The following EYS variants were observed in gnomAD, a reference collection of about 807,000 sequenced individuals.
EYS encodes EGF-like photoreceptor maintenance factor, also known as protein eyes shut homolog.
A neutral mutation model predicts 282.1 loss-of-function variants in EYS; 250 were observed. The ratio of observed to expected loss-of-function variants is 0.89; its 90% CI spans 0.80 to 0.98. The LOEUF is 0.98. Ranked by LOEUF, EYS falls within the 50% of genes least tolerant of loss-of-function variation. The pLI is 0.00. For missense variants in EYS, 4,016 were observed against 3,709.0 expected (o/e 1.08, Z -2.15); for synonymous variants, 1,355 against 1,282.9 (o/e 1.06, Z -1.20).
intron 19 of EYS, among the ~76,000 whole-genome samples, chr6:64,874,528 T>C (rs1766686420): frequency 2.0e-5 from 3 of 152,114 alleles, no homozygotes. Context: ...GTTTGGATTC[T>C]GCTGAAATCA....
At chr6:64,026,208 A>C (rs1313874371) in intron 33 of EYS, among the ~76,000 whole-genome samples, 1 of 151,638 alleles carries the variant, frequency 6.6e-6, no homozygotes, top group Non-Finnish European at 1.5e-5. Context: ...GGGTCCAGGG[A>C]CTGTTATGGG....
At chr6:64,401,700 T>C (rs1773541986) in intron 28 of EYS, among the ~76,000 whole-genome samples, 1 of 152,068 alleles carries the variant, frequency 6.6e-6, no homozygotes, top group Non-Finnish European at 1.5e-5. Context: ...ACAAATTGAT[T>C]TTTAAAGGGA....
chr6:63,827,517 A>G (rs1771502993), intron 36 of EYS, among the ~76,000 whole-genome samples: 1 of 152,202 alleles, frequency 6.6e-6, no homozygotes, highest in African/African-American at 2.4e-5. Context: ...CATATGATAG[A>G]CAATAAAATG....
intron 12 of EYS, among the ~76,000 whole-genome samples, chr6:65,254,342 G>C (rs11967607): frequency 6.6e-6 from 1 of 151,796 alleles, no homozygotes; most frequent in Non-Finnish European, 1.5e-5. Context: ...CTAATATTCC[G>C]ACTCTATTTC....
intron 14 of EYS, among the ~76,000 whole-genome samples, chr6:64,980,244 A>C (rs534109715): frequency 2.0e-4 from 30 of 151,536 alleles, no homozygotes; most frequent in Non-Finnish European, 4.3e-4. Flanking sequence ...TGAAGAAATG[A>C]TCTCAGTTTA....
At chr6:65,362,352 A>G (rs1764742590) in intron 8 of EYS, among the ~76,000 whole-genome samples, 1 of 152,124 alleles carries the variant, frequency 6.6e-6, no homozygotes, top group South Asian at 2.1e-4. Flanking sequence ...CCTAAAGGCA[A>G]TACATTCTAG....
intron 22 of EYS, among the ~76,000 whole-genome samples, chr6:64,638,557 CT>C (rs1234925394): frequency 1.1e-5 from 1 of 91,084 alleles, no homozygotes; most frequent in East Asian, 2.4e-4. Flanking sequence ...TAACATGTGT[CT>C]TTTTCATTAT....
intron 33 of EYS, among the ~76,000 whole-genome samples, chr6:64,045,040 A>C (rs998257089): frequency 6.6e-6 from 1 of 152,104 alleles, no homozygotes; most frequent in Non-Finnish European, 1.5e-5. Context: ...CCAGTGGAAA[A>C]GGAAAAGTAA....
At chr6:64,619,811 T>A (rs944694531) in intron 23 of EYS, among the ~76,000 whole-genome samples, 4 of 151,918 alleles carry the variant, frequency 2.6e-5, no homozygotes, top group African/African-American at 9.7e-5. Flanking sequence ...AGTACAGGAT[T>A]ACATTTTTGA....
At chr6:63,903,967 C>G (rs1366775622) in intron 35 of EYS, among the ~76,000 whole-genome samples, 1 of 152,192 alleles carries the variant, frequency 6.6e-6, no homozygotes, top group Non-Finnish European at 1.5e-5. Context: ...CGATTTTGTC[C>G]TTTTCTACAT....
chr6:65,238,089 GT>G (rs1346221151), intron 12 of EYS, among the ~76,000 whole-genome samples: 1 of 151,698 alleles, frequency 6.6e-6, no homozygotes, highest in African/African-American at 2.4e-5. Flanking sequence ...TTTTACCAAA[GT>G]TTGATTTCAG....
intron 30 of EYS, among the ~76,000 whole-genome samples, chr6:64,266,292 G>C (rs1243377689): frequency 6.6e-6 from 1 of 151,864 alleles, no homozygotes; most frequent in Non-Finnish European, 1.5e-5. Context: ...TTAATACATG[G>C]GTAATACCTA....
At chr6:63,978,406 C>A (rs1766942279) in intron 35 of EYS, among the ~76,000 whole-genome samples, 2 of 151,800 alleles carry the variant, frequency 1.3e-5, no homozygotes, top group African/African-American at 4.8e-5. Context: ...ACACTTAAAT[C>A]CTATGTACAA....
At chr6:65,702,617 G>A (rs1769718728) in intron 1 of EYS, among the ~76,000 whole-genome samples, 1 of 152,254 alleles carries the variant, frequency 6.6e-6, no homozygotes, top group East Asian at 1.9e-4. Flanking sequence ...GCTTGACCCT[G>A]GGAGGTGGTG....
intron 22 of EYS, among the ~76,000 whole-genome samples, chr6:64,680,148 G>A (rs966287504): frequency 1.1e-4 from 16 of 152,138 alleles, no homozygotes; most frequent in African/African-American, 3.9e-4. Context: ...GAGGGTTTGG[G>A]AAAGACTATT....
intron 2 of EYS, among the ~76,000 whole-genome samples, chr6:65,581,082 C>A (rs925363346): frequency 2.0e-5 from 3 of 151,956 alleles, no homozygotes; most frequent in Non-Finnish European, 2.9e-5. Context: ...TATCTATTAA[C>A]ATAATTAGAA....
At chr6:65,475,052 T>C (rs1422462323) in intron 5 of EYS, among the ~76,000 whole-genome samples, 3 of 152,134 alleles carry the variant, frequency 2.0e-5, no homozygotes, top group African/African-American at 7.2e-5. Context: ...AGTCAGATTT[T>C]TTCAGACAAA....
At chr6:64,963,887 T>C (rs1428164532) in intron 14 of EYS, among the ~76,000 whole-genome samples, 1 of 152,048 alleles carries the variant, frequency 6.6e-6, no homozygotes, top group Non-Finnish European at 1.5e-5. Flanking sequence ...GAAAATAAAC[T>C]CTTTTAAGTT....
At chr6:64,731,169 A>T (rs965240951) in intron 22 of EYS, among the ~76,000 whole-genome samples, 2 of 152,176 alleles carry the variant, frequency 1.3e-5, no homozygotes, top group Admixed American at 6.5e-5. Context: ...ATAAAACCAT[A>T]AAAACCCTAG....
Sources: allele counts gnomAD v4.1 joint callset (sites outside exome capture counted in the v4.1 genomes callset), GRCh38; gene constraint gnomAD v4.1.1; transcripts MANE v1.5; gene names NCBI Gene and HGNC (gene_info 2026-07-23, HGNC 2026-07-21).